CBX2: variants seen among roughly 807,000 people sequenced by gnomAD.
CBX2 encodes the protein chromobox 2.
Under a neutral mutation model 21.0 loss-of-function variants are expected in CBX2, and 11 were observed. The observed-to-expected ratio is 0.52, with a 90% CI of 0.33 to 0.87. CBX2 has a LOEUF of 0.87. Among genes scored for constraint, CBX2 ranks in the 40% least tolerant of loss-of-function variants. CBX2 has a pLI of 0.02. For synonymous variants in CBX2, 364 were observed against 304.6 expected, an observed-to-expected ratio of 1.19 and a Z score of -2.03; for missense variants, 746 against 724.3, an observed-to-expected ratio of 1.03 and a Z score of -0.34.
chr17:79,785,322 T>C lies in CBX2; in HGVS notation c.*280T>C. 1.9e-6 allele frequency: 1 copy of C among 532,608 alleles called. No individual in the cohort carries two copies. The highest frequency in any genetic ancestry group is 3.4e-6 in the Non-Finnish European group (1 of 293,126). 33.0% of individuals were successfully genotyped at this position (532,608 alleles called of 1,614,324 possible). A position where few individuals can be genotyped will look rare whatever the true frequency, so the allele number is the denominator to read the frequency against. On this transcript the variant is annotated 3_prime_UTR_variant, in exon 5 of 5. Transcript: ENST00000310942. ...TTGCCTCAGGAAACCCGGTGGCACCTGTGGCTCCAGGTGACTGTCTTGAAC... is the reference window on the plus strand; with the variant it reads ...TTGCCTCAGGAAACCCGGTGGCACCCGTGGCTCCAGGTGACTGTCTTGAAC...
rs1412442108 is a variant in CBX2, at chr17:79,787,584, G to A, written c.*2542G>A. On this transcript the variant is annotated 3_prime_UTR_variant, in exon 5 of 5. Transcript: ENST00000310942. Reference sequence around the variant, plus strand: ...TTTCTATTTTTATTTGCTGCTATTTGTGTGTGTGTTTGTGTTTGTGTAGCT... The same window carrying A: ...TTTCTATTTTTATTTGCTGCTATTTATGTGTGTGTTTGTGTTTGTGTAGCT... The A allele has an allele frequency of 6.6e-6, 1 of 152,440 alleles. No homozygotes were observed. Among genetic ancestry groups the A allele is most frequent in the Non-Finnish European group, 1.5e-5 (1 of 68,022 alleles). The allele number at this position is 152,440 out of a possible 1,614,324, so 9.4% of individuals were successfully genotyped here.
rs368908979 is a variant in CBX2, at chr17:79,785,065, C to T, written c.*23C>T. 99 of 1,576,296 alleles carry T rather than the reference C, an allele frequency of 6.3e-5. No homozygotes were observed. The highest frequency in any genetic ancestry group is 7.7e-5 in the Non-Finnish European group (89 of 1,159,330). ...TGAAGCCCCGGCGCCACCAGCTGCG[C>T]GGTCTTACTCCCCTTCCCTGCCTAT... On this transcript the variant is annotated 3_prime_UTR_variant, in exon 5 of 5. Transcript: ENST00000310942.
chr17:79,781,779 G>A lies in CBX2; in HGVS notation c.266G>A (p.Cys89Tyr). 1.2e-6 allele frequency: 2 copies of A among 1,614,082 alleles called. No individual in the cohort carries two copies. Among genetic ancestry groups the A allele is most frequent in the South Asian group, 1.1e-5 (1 of 91,092 alleles). The change falls in exon 4 of 5, where the codon TGC (cysteine) becomes TAC (tyrosine). Residue 89 changes from cysteine (C) to tyrosine (Y), a missense_variant. This residue lies in a region of CBX2 where 701 missense variants were observed against 650.7 expected (regional missense o/e 1.08). Transcript: ENST00000310942. ...AGGAAGCTCACTGCCATGTCCTCCT[G>A]CAGCCGGCGCTCCAAGCTCAAGGTG... ...RPRKLTAMSS[C>Y]SRRSKLKEPD...
Position 79,784,707 on chromosome 17 carries a change from C to G in CBX2, c.1264C>G (p.Pro422Ala). 1 of 1,611,536 alleles carries G rather than the reference C, an allele frequency of 6.2e-7. No individual in the cohort carries two copies. Among genetic ancestry groups the G allele is most frequent in the Non-Finnish European group, 8.5e-7 (1 of 1,179,466 alleles). Residue 422 changes from proline (P) to alanine (A), a missense_variant, in exon 5 of 5, where the codon CCC becomes GCC. Pro to Ala is a conservative substitution (Grantham distance 27, BLOSUM62 -1). Transcript: ENST00000310942. This position sits in a 1 kb window ranked among gnomAD's most constrained non-coding sequence, Gnocchi z 5.9. The stretch of plus-strand genomic sequence containing the variant: ...GCTGGCTTCCAGAGCAGTGGCGCCA[C>G]CCACCCCTGCCAGCAAGAGGGACTG... ...EKLASRAVAPPTPASKRDCVK... is the reference protein window; with the variant it reads ...EKLASRAVAPATPASKRDCVK...
rs1021441558 is a variant in CBX2, at chr17:79,784,565, C to T, written c.1122C>T (p.His374=). The change falls in exon 5 of 5, where the codon CAC becomes CAT. Residue 374 remains histidine (H), a synonymous_variant. Transcript: ENST00000310942. The surrounding 1 kb of genome is among the most constrained non-coding windows in gnomAD (Gnocchi z 5.9). ...GMPGVGLLAR[H]ATATKGVPAT... ...CCGGGGTGGGTCTCCTTGCCCGCCACGCCACCGCCACCAAGGGTGTCCCGG... is the reference window on the plus strand; with the variant it reads ...CCGGGGTGGGTCTCCTTGCCCGCCATGCCACCGCCACCAAGGGTGTCCCGG... The T allele has an allele frequency of 1.9e-5, 30 of 1,612,484 alleles. No homozygotes were observed. Among genetic ancestry groups the T allele is most frequent in the African/African-American group, 4.0e-5 (3 of 74,930 alleles).
rs1907595421 is a variant in CBX2 at position 79,785,800 on chromosome 17, G to C, written c.*758G>C. 6.6e-6 allele frequency: 1 copy of C among 152,614 alleles called. No individual in the cohort carries two copies. The highest frequency in any genetic ancestry group is 1.5e-5 in the Non-Finnish European group (1 of 68,382). The allele number at this position is 152,614 out of a possible 1,614,324, so 9.5% of individuals were successfully genotyped here. A position where few individuals can be genotyped will look rare whatever the true frequency, so the allele number is the denominator to read the frequency against. ...AAGCCAGCGTGGGTGGGGCGGGGGT[G>C]GTCCCACAGCTGGGTTCCACCTGAA... is the stretch of plus-strand genomic sequence containing the variant. On this transcript the variant is annotated 3_prime_UTR_variant, in exon 5 of 5. Transcript: ENST00000310942.
At chr17:79,782,917 T>C (rs182565995) in intron 4 of CBX2, among the ~76,000 whole-genome samples, 2 of 152,230 alleles carry the variant, frequency 1.3e-5, no homozygotes, top group Admixed American at 6.5e-5. Context: ...GGCGGTGACA[T>C]CCAGAAGGCG....
chr17:79,779,040 G>A (rs976494615), intron 2 of CBX2, among the ~76,000 whole-genome samples: 2 of 152,198 alleles, frequency 1.3e-5, no homozygotes, highest in Non-Finnish European at 2.9e-5. Context: ...CAGGGTTTGG[G>A]GGAATCCCTC....
In CBX2 at chr17:79,785,006, C is replaced by T; in HGVS notation, c.1563C>T (p.Pro521=). 1 of 1,603,302 alleles carries T rather than the reference C, an allele frequency of 6.2e-7. No individual in the cohort carries two copies. The highest frequency in any genetic ancestry group is 8.5e-7 in the Non-Finnish European group (1 of 1,179,972). The change falls in exon 5 of 5, where the codon CCC becomes CCT. Residue 521 remains proline, a synonymous_variant. Coordinates refer to ENST00000310942, the MANE Select transcript of CBX2 (RefSeq NM_005189.3). ...NLITVTVKES[P]TSVGFFNLRH... ...TCACCGTCACAGTGAAGGAGTCTCC[C>T]ACCAGCGTGGGCTTCTTCAACCTGA...
intron 4 of CBX2, chr17:79,782,366 C>A (rs765677932): frequency 2.8e-6 from 4 of 1,438,402 alleles, no homozygotes; most frequent in Non-Finnish European, 9.1e-7. Flanking sequence ...CACCCCTCCT[C>A]GCTACAGTGA....
At chr17:79,777,943 CCGGGGCCCCGCG>C (rs1555829220), upstream of CBX2, among the ~76,000 whole-genome samples, 1 of 145,034 alleles carries the variant, frequency 6.9e-6, no homozygotes, top group East Asian at 2.0e-4. Flanking sequence ...CCGCCCCCGC[CCGGGGCCCCGCG>C]CGGGACCCCC....
intron 3 of CBX2, 197 bp downstream of exon 3, chr17:79,779,624 C>G (rs1412752628): frequency 1.6e-6 from 1 of 619,074 alleles, no homozygotes; most frequent in South Asian, 1.9e-5. Context: ...CTTCTCCTAG[C>G]CAGCCTGTAT....
intron 4 of CBX2, chr17:79,782,005 C>T: frequency 3.7e-6 from 6 of 1,614,104 alleles, no homozygotes; most frequent in Non-Finnish European, 5.1e-6. Flanking sequence ...AGAGTTCCTC[C>T]CCGCCCCTCC....
rs1906901737 is a variant in CBX2 at position 79,778,424 on chromosome 17, C to G, written c.113C>G (p.Ser38Cys). Reference protein sequence around the residue: ...EYLVKWRGWSSKHNSWEPEEN... With the variant: ...EYLVKWRGWSCKHNSWEPEEN... Reference sequence around the variant, plus strand: ...CTGGTCAAGTGGCGCGGCTGGTCCTCCAAGTGAGTCCCCCGCGACGCCGCG... The same window carrying G: ...CTGGTCAAGTGGCGCGGCTGGTCCTGCAAGTGAGTCCCCCGCGACGCCGCG... The change falls in exon 2 of 5, where the codon TCC (serine) becomes TGC (cysteine). Residue 38 changes from serine (S) to cysteine (C), a missense_variant. Transcript: ENST00000310942. The surrounding 1 kb of genome is among the most constrained non-coding windows in gnomAD (Gnocchi z 4.8). The G allele has an allele frequency of 6.4e-7, 1 of 1,553,538 alleles. No individual in the cohort carries two copies. Among genetic ancestry groups the G allele is most frequent in the Non-Finnish European group, 8.6e-7 (1 of 1,156,236 alleles).
At chr17:79,781,275 C>T (rs374619582) in intron 3 of CBX2, among the ~76,000 whole-genome samples, 37 of 152,338 alleles carry the variant, frequency 2.4e-4, no homozygotes, top group African/African-American at 8.4e-4. Flanking sequence ...GCACCAGAAG[C>T]TGCCCAGGGG....
At chr17:79,781,163 A>AT (rs1281941409) in intron 3 of CBX2, among the ~76,000 whole-genome samples, 1 of 152,082 alleles carries the variant, frequency 6.6e-6, no homozygotes, top group Non-Finnish European at 1.5e-5. Context: ...ACAGAGAGGT[A>AT]TTTTTAAAAA....
In CBX2 at chr17:79,784,753, C is replaced by A. The variant is rs782233772; in HGVS notation, c.1310C>A (p.Pro437His). ...KRDCVKGSAT[P>H]SGQESRTAPG... ...GACTGTGTCAAGGGCAGTGCTACCCCCAGTGGGCAGGAGAGCCGCACAGCC... is the reference window on the plus strand; with the variant it reads ...GACTGTGTCAAGGGCAGTGCTACCCACAGTGGGCAGGAGAGCCGCACAGCC... The change falls in exon 5 of 5, where the codon CCC (proline) becomes CAC (histidine). Residue 437 changes from proline (P) to histidine (H), a missense_variant. Coordinates refer to ENST00000310942, the MANE Select transcript of CBX2 (RefSeq NM_005189.3). The surrounding 1 kb of genome is among the most constrained non-coding windows in gnomAD (Gnocchi z 5.9). 24 of 1,610,930 alleles carry A rather than the reference C, an allele frequency of 1.5e-5. No homozygotes were observed. The highest frequency in any genetic ancestry group is 2.7e-5 in the African/African-American group (2 of 74,882).
rs150844968 is a variant in CBX2 at position 79,784,228 on chromosome 17, G to A, written c.785G>A (p.Arg262Gln). 6.2e-5 allele frequency: 100 copies of A among 1,612,838 alleles called. 1 individual carries two copies. Among genetic ancestry groups the A allele is most frequent in the African/African-American group, 5.3e-4 (40 of 74,934 alleles). The change falls in exon 5 of 5, where the codon CGG becomes CAG. Residue 262 changes from arginine (R) to glutamine (Q), a missense_variant. Physicochemically the swap from Arg to Gln is conservative, Grantham distance 43 (BLOSUM62 1). Transcript: ENST00000310942. The surrounding 1 kb of genome is among the most constrained non-coding windows in gnomAD (Gnocchi z 5.9). The part of the protein sequence containing the change: ...WQSSIVHYMN[R>Q]MTQSQAQAAS... ...AGCTCCATCGTGCACTACATGAACCGGATGACCCAGAGCCAGGCCCAGGCT... is the reference window on the plus strand; with the variant it reads ...AGCTCCATCGTGCACTACATGAACCAGATGACCCAGAGCCAGGCCCAGGCT...
rs782556327 is a variant in CBX2 at position 79,781,782 on chromosome 17, G to A, written c.269G>A (p.Ser90Asn). ...PRKLTAMSSC[S>N]RRSKLKEPDA... ...AAGCTCACTGCCATGTCCTCCTGCA[G>A]CCGGCGCTCCAAGCTCAAGGTGGGT... is the stretch of plus-strand genomic sequence containing the variant. Residue 90 changes from serine (S) to asparagine (N), a missense_variant, in exon 4 of 5, where the codon AGC (serine) becomes AAC (asparagine). Transcript: ENST00000310942. 1 of 1,614,146 alleles carries A rather than the reference G, an allele frequency of 6.2e-7. No individual in the cohort carries two copies. Among genetic ancestry groups the A allele is most frequent in the Non-Finnish European group, 8.5e-7 (1 of 1,180,006 alleles).
Sources: gnomAD v4.1 joint callset for allele counts (sites outside exome capture counted in the v4.1 genomes callset) on GRCh38, gnomAD v4.1.1 for gene constraint, gnomAD v4.1.1 regional missense constraint, Gnocchi (gnomAD v3.1) non-coding constraint, MANE v1.5 for transcripts, NCBI Gene and HGNC (gene_info 2026-07-23, HGNC 2026-07-21) for gene names.